ZCCHC14: variants seen among roughly 807,000 people sequenced by gnomAD.
ZCCHC14 encodes zinc finger CCHC domain-containing protein 14.
ZCCHC14 carries 16 observed loss-of-function variants against 85.0 expected under a neutral mutation model. The observed-to-expected ratio is 0.19, with a 90% CI of 0.13 to 0.29. The LOEUF (loss-of-function observed/expected upper bound fraction) is 0.29, where lower values mean the gene tolerates loss of function less well. Among genes scored for constraint, ZCCHC14 ranks in the 10% least tolerant of loss-of-function variants. The probability of loss-of-function intolerance (pLI) is 1.00; values close to 1 mark genes in which losing one functional copy is unlikely to be tolerated. For missense variants in ZCCHC14, 1,303 were observed against 1,443.5 expected, an observed-to-expected ratio of 0.90 and a Z score of 1.58; for synonymous variants, 775 against 630.7, an observed-to-expected ratio of 1.23 and a Z score of -3.43.
chr16:87,467,572 G>A, intron 1 of ZCCHC14: 1 of 1,548,320 alleles, frequency 6.5e-7, no homozygotes, highest in Non-Finnish European at 8.9e-7. Context: ...ATTCCCGTTG[G>A]TTCTGAAAAT....
At position 87,407,372 on chromosome 16, in the gene ZCCHC14, T is replaced by A. The variant is rs932800412; in HGVS notation, c.*2908A>T. 6.6e-6 allele frequency: 1 copy of A among 152,262 alleles called. No individual in the cohort carries two copies. Among genetic ancestry groups the A allele is most frequent in the Admixed American group, 6.5e-5 (1 of 15,292 alleles). The allele number at this position is 152,262 out of a possible 1,614,324, so 9.4% of individuals were successfully genotyped here. The stretch of plus-strand genomic sequence containing the variant: ...CATTCAAGAAAATATTTTGTCTTTA[T>A]TTTTATTACAAGTGCGCTAGCTCCC... On this transcript the variant is annotated 3_prime_UTR_variant, in exon 13 of 13. Transcript: ENST00000671377.
intron 2 of ZCCHC14, among the ~76,000 whole-genome samples, chr16:87,443,293 T>G (rs1910275188): frequency 6.6e-6 from 1 of 152,134 alleles, no homozygotes; most frequent in Non-Finnish European, 1.5e-5. Context: ...CACTGATGGC[T>G]CTACAAAAGA....
At chr16:87,448,619 A>C (rs1285094988) in intron 2 of ZCCHC14, among the ~76,000 whole-genome samples, 1 of 152,010 alleles carries the variant, frequency 6.6e-6, no homozygotes, top group Non-Finnish European at 1.5e-5. Flanking sequence ...AACACTACTG[A>C]ATGTTTTGCT....
At chr16:87,431,833 GCCCCT>G (rs1171372514) in intron 3 of ZCCHC14, among the ~76,000 whole-genome samples, 1 of 152,106 alleles carries the variant, frequency 6.6e-6, no homozygotes, top group Non-Finnish European at 1.5e-5. Flanking sequence ...CACTCAGAGG[GCCCCT>G]GTGGTCTTTC....
chr16:87,431,867 T>C (rs1481619143), intron 3 of ZCCHC14, among the ~76,000 whole-genome samples: 1 of 152,208 alleles, frequency 6.6e-6, no homozygotes, highest in Admixed American at 6.5e-5. Context: ...CCGCCTGGGC[T>C]GCACGACATG....
At chr16:87,431,472 G>GAAAAAAAAAAAAAAAAAA (rs537437083) in intron 3 of ZCCHC14, among the ~76,000 whole-genome samples, 2 of 76,744 alleles carry the variant, frequency 2.6e-5, no homozygotes, top group Non-Finnish European at 5.7e-5. Context: ...GGCTCTGTCT[G>GAAAAAAAAAAAAAAAAAA]AAAAAAAAAA....
chr16:87,421,915 A>T (rs1446554826), intron 4 of ZCCHC14, among the ~76,000 whole-genome samples: 1 of 152,070 alleles, frequency 6.6e-6, no homozygotes, highest in Non-Finnish European at 1.5e-5. Context: ...TTCAGTCAAC[A>T]TTTGCAAGAC....
chr16:87,406,522 A>G lies in ZCCHC14; in HGVS notation c.*3758T>C, dbSNP rs1232205678. The G allele has an allele frequency of 6.6e-6, 1 of 152,612 alleles. No homozygotes were observed. Among genetic ancestry groups the G allele is most frequent in the Non-Finnish European group, 1.5e-5 (1 of 68,048 alleles). 9.5% of individuals were successfully genotyped at this position (152,612 alleles called of 1,614,324 possible). ...AATTTTCCTTCATTCCTAAAAAGAAAATATGTCCAATAGAAGCTGTGAAGG... is the reference window on the plus strand; with the variant it reads ...AATTTTCCTTCATTCCTAAAAAGAAGATATGTCCAATAGAAGCTGTGAAGG... On this transcript the variant is annotated 3_prime_UTR_variant, in exon 13 of 13. Transcript: ENST00000671377.
intron 1 of ZCCHC14, among the ~76,000 whole-genome samples, chr16:87,480,823 A>T (rs145502328): frequency 1.5e-3 from 228 of 152,332 alleles, no homozygotes; most frequent in African/African-American, 5.1e-3. Flanking sequence ...ATGAACCAAT[A>T]ATGCGTATAG....
At chr16:87,444,444 A>T (rs1281704755) in intron 2 of ZCCHC14, among the ~76,000 whole-genome samples, 1 of 152,236 alleles carries the variant, frequency 6.6e-6, no homozygotes, top group Admixed American at 6.5e-5. Context: ...ATACAAACTT[A>T]AATAAATGAT....
intron 1 of ZCCHC14, among the ~76,000 whole-genome samples, chr16:87,478,597 T>C (rs1912128031): frequency 6.8e-6 from 1 of 147,954 alleles, no homozygotes; most frequent in Non-Finnish European, 1.5e-5. Flanking sequence ...TCAAAGTATC[T>C]CATTAATTTT....
At chr16:87,421,636 C>A (rs192382740) in intron 4 of ZCCHC14, among the ~76,000 whole-genome samples, 78 of 152,232 alleles carry the variant, frequency 5.1e-4, no homozygotes, top group Non-Finnish European at 9.0e-4. Flanking sequence ...GTAGAGAGTG[C>A]CCTGCTGTGT....
chr16:87,488,717 A>T (rs972608036), intron 1 of ZCCHC14, among the ~76,000 whole-genome samples: 1 of 152,172 alleles, frequency 6.6e-6, no homozygotes, highest in African/African-American at 2.4e-5. Context: ...AGCAGGGACT[A>T]CAAGTGTGTG....
At chr16:87,482,181 T>C (rs539334977) in intron 1 of ZCCHC14, among the ~76,000 whole-genome samples, 2 of 152,200 alleles carry the variant, frequency 1.3e-5, no homozygotes, top group African/African-American at 4.8e-5. Context: ...GACAGAAACC[T>C]GCCTTTGCCA....
At position 87,424,783 on chromosome 16, in the gene ZCCHC14, T is replaced by C. The variant is rs188391923; in HGVS notation, c.769-902A>G. ...GGCAAATAAGAAGTTAGCTACAGGATTGAGATGGACAGAGGGGATGGCCTG... is the reference window on the plus strand; with the variant it reads ...GGCAAATAAGAAGTTAGCTACAGGACTGAGATGGACAGAGGGGATGGCCTG... On this transcript the variant is annotated intron_variant, in intron 3 of 12. Coordinates refer to ENST00000671377, the MANE Select transcript of ZCCHC14 (RefSeq NM_015144.3). 3.7e-3 allele frequency among the ~76,000 whole-genome samples: 565 copies of C among 152,064 alleles called. 11 individuals carry two copies. The highest frequency in any genetic ancestry group is 8.3e-4 in the South Asian group (4 of 4,814).
chr16:87,453,906 G>A (rs1230696016), intron 2 of ZCCHC14, among the ~76,000 whole-genome samples: 1 of 152,140 alleles, frequency 6.6e-6, no homozygotes, highest in East Asian at 1.9e-4. Context: ...ATTCAAAGAT[G>A]TAAAAACAAA....
intron 1 of ZCCHC14, among the ~76,000 whole-genome samples, chr16:87,487,659 T>C (rs1473180054): frequency 1.3e-5 from 2 of 152,212 alleles, no homozygotes; most frequent in East Asian, 1.9e-4. Flanking sequence ...TTAGGCACAG[T>C]GCACGGGGGT....
chr16:87,457,908 G>C (rs941894872), intron 2 of ZCCHC14, among the ~76,000 whole-genome samples: 12 of 152,238 alleles, frequency 7.9e-5, no homozygotes, highest in African/African-American at 2.9e-4. Context: ...AGGTAATTAA[G>C]AGCGTCTGCT....
In ZCCHC14 at chr16:87,412,573, C is replaced by G. The variant is rs745607948; in HGVS notation, c.2148G>C (p.Ser716=). Residue 716 remains serine (S), a synonymous_variant, in exon 12 of 13, where the codon TCG becomes TCC. Transcript: ENST00000671377. The part of the protein sequence containing the change: ...HQPVQVLSGL[S]ESSSMSPTVS... Reference sequence around the variant, plus strand: ...CTGTGGGTGACATGGAGCTGCTCTCCGAAAGCCCAGAGAGGACCTGCACAG... The same window carrying G: ...CTGTGGGTGACATGGAGCTGCTCTCGGAAAGCCCAGAGAGGACCTGCACAG... 1 of 1,614,102 alleles carries G rather than the reference C, an allele frequency of 6.2e-7. No individual in the cohort carries two copies.
Sources: allele counts gnomAD v4.1 joint callset (sites outside exome capture counted in the v4.1 genomes callset), GRCh38; gene constraint gnomAD v4.1.1; transcripts MANE v1.5; gene names NCBI Gene and HGNC (gene_info 2026-07-23, HGNC 2026-07-21).